Variants in ADAMTS2 observed in about 807,000 individuals in gnomAD.
ADAMTS2 encodes ADAM metallopeptidase with thrombospondin type 1 motif 2.
A neutral mutation model predicts 123.0 loss-of-function variants in ADAMTS2; 50 were observed. The ratio of observed to expected loss-of-function variants is 0.41; its 90% CI spans 0.32 to 0.51. ADAMTS2 has a LOEUF of 0.51. ADAMTS2 is among the 20% of genes least tolerant of loss of function. ADAMTS2 has a pLI of 0.35. For missense variants in ADAMTS2, 1,494 were observed against 1,705.2 expected (o/e 0.88, Z 2.18); for synonymous variants, 678 against 695.4 (o/e 0.98, Z 0.39).
intron 2 of ADAMTS2, among the ~76,000 whole-genome samples, chr5:179,341,936 G>A (rs926711500): frequency 1.3e-5 from 2 of 152,112 alleles, no homozygotes; most frequent in African/African-American, 2.4e-5. Context: ...CCTCTGCCCG[G>A]GTTGCCAACC....
intron 3 of ADAMTS2, among the ~76,000 whole-genome samples, chr5:179,257,563 G>A (rs1272177282): frequency 2.0e-5 from 3 of 152,206 alleles, no homozygotes; most frequent in South Asian, 2.1e-4. Flanking sequence ...CGCCCTCCCC[G>A]CTGCTGGCTC....
chr5:179,292,062 C>T (rs768238936), intron 2 of ADAMTS2, among the ~76,000 whole-genome samples: 9 of 151,972 alleles, frequency 5.9e-5, no homozygotes, highest in Non-Finnish European at 7.4e-5. Context: ...AAATTTAACA[C>T]GACCAGATGA....
chr5:179,209,299 G>A (rs1353695414), intron 3 of ADAMTS2, among the ~76,000 whole-genome samples: 1 of 152,234 alleles, frequency 6.6e-6, no homozygotes, highest in Non-Finnish European at 1.5e-5. Flanking sequence ...GCCTGGCTCA[G>A]ACAAGACAGA....
intron 19 of ADAMTS2, 74 bp from the exon 20 acceptor site, chr5:179,122,847 C>T (rs779350758): frequency 8.5e-5 from 131 of 1,544,508 alleles, no homozygotes; most frequent in Non-Finnish European, 1.1e-4. Flanking sequence ...GAGGAGCCCA[C>T]AGTCCCCAGG....
At chr5:179,160,494 A>T (rs1274847671) in intron 5 of ADAMTS2, among the ~76,000 whole-genome samples, 1 of 152,230 alleles carries the variant, frequency 6.6e-6, no homozygotes, top group Non-Finnish European at 1.5e-5. Flanking sequence ...TTAGCAAGCC[A>T]GTTAGTTCCA....
chr5:179,334,522 C>T (rs951742484), intron 2 of ADAMTS2, among the ~76,000 whole-genome samples: 2 of 152,194 alleles, frequency 1.3e-5, no homozygotes, highest in African/African-American at 2.4e-5. Flanking sequence ...CCACAGCAAG[C>T]GCTGTATTAA....
intron 3 of ADAMTS2, among the ~76,000 whole-genome samples, chr5:179,238,207 C>T (rs991722852): frequency 1.3e-5 from 2 of 152,206 alleles, no homozygotes; most frequent in Admixed American, 6.5e-5. Flanking sequence ...TGCTCTAGTT[C>T]TCTGGAACAT....
Position 179,285,730 on chromosome 5 carries a change from T to A in ADAMTS2, c.535-12666A>T, listed in dbSNP as rs1001212566. On this transcript the variant is annotated intron_variant, in intron 2 of 21. Coordinates refer to ENST00000251582, the MANE Select transcript of ADAMTS2 (RefSeq NM_014244.5). This position sits in a 1 kb window ranked among gnomAD's most constrained non-coding sequence, Gnocchi z 4.9. The stretch of plus-strand genomic sequence containing the variant: ...CCCCAGTCACAAATTAACATTCACA[T>A]AAATAACAGGGCGCTCTCTACTAAA... Among the ~76,000 whole-genome samples the A allele has an allele frequency of 6.6e-6, 1 of 152,178 alleles. No homozygotes were observed. The highest frequency in any genetic ancestry group is 2.4e-5 in the African/African-American group (1 of 41,438).
At chr5:179,154,360 G>A (rs983984033) in intron 7 of ADAMTS2, among the ~76,000 whole-genome samples, 168 bp from the exon 8 acceptor site, 40 of 152,176 alleles carry the variant, frequency 2.6e-4, no homozygotes, top group African/African-American at 9.2e-4. Context: ...TTTGAAAGCC[G>A]AGGCACTCTG....
At chr5:179,298,142 C>A (rs1230460323) in intron 2 of ADAMTS2, among the ~76,000 whole-genome samples, 1 of 152,136 alleles carries the variant, frequency 6.6e-6, no homozygotes, top group Non-Finnish European at 1.5e-5. Context: ...CTTCAGAAGC[C>A]CACCTGACAT....
chr5:179,343,619 G>A, intron 2 of ADAMTS2, 148 bp downstream of exon 2: 3 of 1,158,796 alleles, frequency 2.6e-6, no homozygotes, highest in Non-Finnish European at 3.6e-6. Context: ...AAGCCCTTCA[G>A]TTGGAGCACG....
chr5:179,285,559 G>A lies in ADAMTS2; in HGVS notation c.535-12495C>T, dbSNP rs1048665482. Reference sequence around the variant, plus strand: ...GAGCTGGCCAGCCAGACCCAGCCAGGACACAGAGGTCAGTGGGTCAGACCC... The same window carrying A: ...GAGCTGGCCAGCCAGACCCAGCCAGAACACAGAGGTCAGTGGGTCAGACCC... On this transcript the variant is annotated intron_variant, in intron 2 of 21. Transcript: ENST00000251582. This position sits in a 1 kb window ranked among gnomAD's most constrained non-coding sequence, Gnocchi z 4.9. 2.6e-5 allele frequency among the ~76,000 whole-genome samples: 4 copies of A among 152,188 alleles called. No homozygotes were observed. The highest frequency in any genetic ancestry group is 5.9e-5 in the Non-Finnish European group (4 of 68,028).
rs558525900 is a variant in ADAMTS2 at position 179,112,562 on chromosome 5, T to A, written c.*1305A>T. ...CCCCATCTCCCACCCTAAGCCCCCA[T>A]CAGAGGCCACATTTTGCAGGTCACT... On this transcript the variant is annotated 3_prime_UTR_variant, in exon 22 of 22. Coordinates refer to ENST00000251582, the MANE Select transcript of ADAMTS2 (RefSeq NM_014244.5). 32 of 152,272 alleles carry A rather than the reference T, an allele frequency of 2.1e-4. No individual in the cohort carries two copies. Among genetic ancestry groups the A allele is most frequent in the African/African-American group, 7.5e-4 (31 of 41,530 alleles). The allele number at this position is 152,272 out of a possible 1,614,324, so 9.4% of individuals were successfully genotyped here. A position where few individuals can be genotyped will look rare whatever the true frequency, so the allele number is the denominator to read the frequency against.
intron 3 of ADAMTS2, among the ~76,000 whole-genome samples, chr5:179,239,454 G>A (rs1034145483): frequency 1.3e-5 from 2 of 152,118 alleles, no homozygotes; most frequent in South Asian, 4.2e-4. Context: ...AGTGAGGGGC[G>A]TGCTGAGGTG....
chr5:179,250,608 T>C (rs1323615211), intron 3 of ADAMTS2, among the ~76,000 whole-genome samples: 1 of 152,228 alleles, frequency 6.6e-6, no homozygotes, highest in Non-Finnish European at 1.5e-5. Flanking sequence ...CTCAGAGCCA[T>C]TTCCAGCCCA....
rs568181463 is a variant in ADAMTS2 at position 179,245,583 on chromosome 5, G to A, written c.688+27328C>T. On this transcript the variant is annotated intron_variant, in intron 3 of 21. Transcript: ENST00000251582. ...AGATCGAGACCATCCTGGCTAACAC[G>A]GTGAAACCCCGTCTCTACTAAAAAT... Among the ~76,000 whole-genome samples the A allele has an allele frequency of 4.0e-5, 6 of 150,420 alleles. No homozygotes were observed. The South Asian group carries it at 8.5e-4, about 21-fold the overall frequency.
chr5:179,304,896 G>T (rs550492545), intron 2 of ADAMTS2, among the ~76,000 whole-genome samples: 2 of 151,938 alleles, frequency 1.3e-5, no homozygotes, highest in African/African-American at 2.4e-5. Context: ...AATCCCACAC[G>T]TTATAAACAC....
Position 179,225,922 on chromosome 5 carries a change from C to G in ADAMTS2, c.689-18207G>C, listed in dbSNP as rs1418952720. ...GTCTAACTGAGCTGGTTAACACAAG[C>G]CGCCTACAGACAGCTAAAGTAAAAG... On this transcript the variant is annotated intron_variant, in intron 3 of 21. Transcript: ENST00000251582. The surrounding 1 kb of genome is among the most constrained non-coding windows in gnomAD (Gnocchi z 4.5). Among the ~76,000 whole-genome samples, 1 of 152,222 alleles carries G rather than the reference C, an allele frequency of 6.6e-6. No individual in the cohort carries two copies. The highest frequency in any genetic ancestry group is 1.9e-4 in the East Asian group (1 of 5,190).
At chr5:179,290,259 T>C (rs1432133970) in intron 2 of ADAMTS2, among the ~76,000 whole-genome samples, 1 of 152,120 alleles carries the variant, frequency 6.6e-6, no homozygotes, top group Non-Finnish European at 1.5e-5. Flanking sequence ...GCCTGGGTTG[T>C]TATAAAAGCA....
Sources: gnomAD v4.1 joint callset for allele counts (sites outside exome capture counted in the v4.1 genomes callset) on GRCh38, gnomAD v4.1.1 for gene constraint, Gnocchi (gnomAD v3.1) non-coding constraint, MANE v1.5 for transcripts, NCBI Gene and HGNC (gene_info 2026-07-23, HGNC 2026-07-21) for gene names.